Variants in CATSPERE observed in about 807,000 individuals in gnomAD.
CATSPERE encodes catsper channel auxiliary subunit epsilon.
Under a neutral mutation model 114.1 loss-of-function variants are expected in CATSPERE, and 93 were observed. That is an observed-to-expected ratio of 0.81 (90% CI 0.69 to 0.97). CATSPERE has a LOEUF of 0.97. Among genes scored for constraint, CATSPERE ranks in the 50% least tolerant of loss-of-function variants. The pLI, the probability that CATSPERE is intolerant of heterozygous loss-of-function variation, is 0.00. For missense variants in CATSPERE, 1,058 were observed against 1,131.6 expected, an observed-to-expected ratio of 0.93 and a Z score of 0.93; for synonymous variants, 341 against 384.1, an observed-to-expected ratio of 0.89 and a Z score of 1.31.
chr1:244,611,902 A>G (rs1670784669), intron 19 of CATSPERE, among the ~76,000 whole-genome samples: 1 of 152,208 alleles, frequency 6.6e-6, no homozygotes, highest in Non-Finnish European at 1.5e-5. Flanking sequence ...ACTTTAGCAT[A>G]CATCAGAATC....
Position 244,547,491 on chromosome 1 carries a change from T to C in CATSPERE, c.537-4831T>C, listed in dbSNP as rs181913620. Reference sequence around the variant, plus strand: ...GGTTAAAAGCCAAAACTATTAAAAATAACAACCACAATAATTTGTTAAGGT... The same window carrying C: ...GGTTAAAAGCCAAAACTATTAAAAACAACAACCACAATAATTTGTTAAGGT... On this transcript the variant is annotated intron_variant, in intron 8 of 21. Transcript: ENST00000366534. Among the ~76,000 whole-genome samples, 13 of 152,274 alleles carry C rather than the reference T, an allele frequency of 8.5e-5. No individual in the cohort carries two copies. The East Asian group carries it at 2.5e-3, about 29-fold the overall frequency.
chr1:244,557,582 T>TATATATAA (rs1661844658), intron 9 of CATSPERE, among the ~76,000 whole-genome samples: 2 of 108,112 alleles, frequency 1.8e-5, no homozygotes, highest in Admixed American at 9.6e-5. Context: ...TATATATATA[T>TATATATAA]AAAATCTCCC....
chr1:244,518,716 A>C lies in CATSPERE; in HGVS notation c.536+18A>C, dbSNP rs765976206. 7.9e-7 allele frequency: 1 copy of C among 1,265,264 alleles called. No homozygotes were observed. Among genetic ancestry groups the C allele is most frequent in the South Asian group, 1.4e-5 (1 of 71,200 alleles). 78.4% of individuals were successfully genotyped at this position (1,265,264 alleles called of 1,614,324 possible). A position where few individuals can be genotyped will look rare whatever the true frequency, so the allele number is the denominator to read the frequency against. The stretch of plus-strand genomic sequence containing the variant: ...AGAAGGGGGTATTTAATTTTTTTTA[A>C]TTTTAAATATAGAAATATGAAAACT... On this transcript the variant is annotated intron_variant, in intron 8 of 21. Transcript: ENST00000366534.
At chr1:244,566,643 C>T (rs2148554290) in intron 10 of CATSPERE, among the ~76,000 whole-genome samples, 1 of 125,716 alleles carries the variant, frequency 8.0e-6, no homozygotes, top group East Asian at 2.2e-4. Flanking sequence ...ACTAGGATTG[C>T]AACCCCTGCT....
chr1:244,468,991 A>G (rs1668038821), intron 2 of CATSPERE, among the ~76,000 whole-genome samples: 1 of 152,222 alleles, frequency 6.6e-6, no homozygotes, highest in Non-Finnish European at 1.5e-5. Flanking sequence ...GATGAAAAGC[A>G]TGTCTAAAAA....
intron 8 of CATSPERE, among the ~76,000 whole-genome samples, chr1:244,542,510 C>T (rs1432957292): frequency 6.6e-6 from 1 of 151,894 alleles, no homozygotes; most frequent in Non-Finnish European, 1.5e-5. Context: ...TCCCCACTGT[C>T]TATTATTTCC....
chr1:244,462,918 A>G (rs767772209), intron 1 of CATSPERE, among the ~76,000 whole-genome samples: 17 of 152,182 alleles, frequency 1.1e-4, no homozygotes, highest in Non-Finnish European at 2.4e-4. Flanking sequence ...TAGGTATGCA[A>G]TGTAGACATG....
chr1:244,543,886 G>A (rs181622327), intron 8 of CATSPERE, among the ~76,000 whole-genome samples: 1 of 152,092 alleles, frequency 6.6e-6, no homozygotes, highest in African/African-American at 2.4e-5. Flanking sequence ...CATATGCTCA[G>A]TGATAAAGCT....
At chr1:244,574,757 GA>G (rs533897551) in intron 11 of CATSPERE, among the ~76,000 whole-genome samples, 4 of 152,272 alleles carry the variant, frequency 2.6e-5, no homozygotes. Context: ...TCAGCTCTTG[GA>G]AGTGTCTGAC....
chr1:244,515,318 C>T (rs1445547036), intron 7 of CATSPERE: 1 of 981,482 alleles, frequency 1.0e-6, no homozygotes, highest in Non-Finnish European at 1.2e-6. Flanking sequence ...TACATACTCT[C>T]CTCTGGATGG....
At chr1:244,567,333 C>T (rs1663739946) in intron 10 of CATSPERE, among the ~76,000 whole-genome samples, 1 of 152,130 alleles carries the variant, frequency 6.6e-6, no homozygotes, top group Non-Finnish European at 1.5e-5. Context: ...CTTGTGGTTG[C>T]TCTTCGCGAG....
chr1:244,602,109 A>T (rs1312632429), intron 17 of CATSPERE, among the ~76,000 whole-genome samples: 1 of 152,156 alleles, frequency 6.6e-6, no homozygotes, highest in South Asian at 2.1e-4. Flanking sequence ...AGAGTAGTCT[A>T]CTGGAACAGC....
At chr1:244,455,220 ATTTC>A (rs1319152452) in intron 1 of CATSPERE, among the ~76,000 whole-genome samples, 1 of 151,774 alleles carries the variant, frequency 6.6e-6, no homozygotes, top group Admixed American at 6.6e-5. Context: ...CTGGTTTTTT[ATTTC>A]TGTAACTTTG....
intron 18 of CATSPERE, among the ~76,000 whole-genome samples, chr1:244,609,358 C>CTT (rs796211656): frequency 1.4e-5 from 2 of 142,754 alleles, no homozygotes; most frequent in Non-Finnish European, 3.1e-5. Context: ...TTATCACTTC[C>CTT]TTTTTTTTTT....
At chr1:244,586,660 C>T (rs6672347) in intron 13 of CATSPERE, among the ~76,000 whole-genome samples, 26,894 of 152,114 alleles carry the variant, frequency 0.18, 3,331 homozygotes, top group East Asian at 0.39. Flanking sequence ...TGGACATCGT[C>T]CTATCCCCAC....
chr1:244,521,397 A>T (rs3005927), intron 8 of CATSPERE, among the ~76,000 whole-genome samples: 19,576 of 152,080 alleles, frequency 0.13, 2,201 homozygotes, highest in African/African-American at 0.3. Flanking sequence ...ATGAAAAATA[A>T]ATGATATATG....
At position 244,477,925 on chromosome 1, in the gene CATSPERE, C is replaced by G; in HGVS notation, c.208C>G (p.Arg70Gly). The change falls in exon 4 of 22, where the codon CGT becomes GGT. Residue 70 changes from arginine (R) to glycine (G), a missense_variant. Arg to Gly is a moderately radical substitution (Grantham distance 125). Around this residue, in one of 2 missense-constraint regions of CATSPERE, gnomAD observed 271 missense variants for 225.9 expected, o/e 1.20. Coordinates refer to ENST00000366534, the MANE Select transcript of CATSPERE (RefSeq NM_001130957.2). ...CACTAGCTCACCCACGACAGAATTG[C>G]GTTGTTCCTCACCTGGTGTTCACGC... ...LNKSSPTTEL[R>G]CSSPGVHAIK... 7 of 1,608,358 alleles carry G rather than the reference C, an allele frequency of 4.4e-6. No individual in the cohort carries two copies. The highest frequency in any genetic ancestry group is 6.0e-6 in the Non-Finnish European group (7 of 1,175,662).
intron 8 of CATSPERE, among the ~76,000 whole-genome samples, chr1:244,543,804 ACC>A (rs1383712840): frequency 6.6e-6 from 1 of 151,898 alleles, no homozygotes; most frequent in East Asian, 1.9e-4. Context: ...AACTGATCAG[ACC>A]TACTTAAAAG....
rs144637441 is a variant in CATSPERE at position 244,462,768 on chromosome 1, A to G, written c.66-1140A>G. Among the ~76,000 whole-genome samples the G allele has an allele frequency of 1.4e-3, 207 of 152,330 alleles. 1 individual carries two copies. The highest frequency in any genetic ancestry group is 4.7e-3 in the African/African-American group (194 of 41,572). The stretch of plus-strand genomic sequence containing the variant: ...TAAAGGTGACTGATTTCCGTTAAAC[A>G]TAAGAATTCAGAGTGCTATTAAGGC... On this transcript the variant is annotated intron_variant, in intron 1 of 21. Coordinates refer to ENST00000366534, the MANE Select transcript of CATSPERE (RefSeq NM_001130957.2).
Sources: allele counts gnomAD v4.1 joint callset (sites outside exome capture counted in the v4.1 genomes callset), GRCh38; gene constraint gnomAD v4.1.1; regional missense constraint gnomAD v4.1.1; transcripts MANE v1.5; gene names NCBI Gene and HGNC (gene_info 2026-07-23, HGNC 2026-07-21).